The following GPM6A variants were observed in gnomAD, a reference collection of about 807,000 sequenced individuals.
The protein encoded by GPM6A is neuronal membrane glycoprotein M6-a.
Under a neutral mutation model 32.1 loss-of-function variants are expected in GPM6A, and 7 were observed. The ratio of observed to expected loss-of-function variants is 0.22; its 90% CI spans 0.12 to 0.41. GPM6A has a LOEUF of 0.41. Ranked by LOEUF, GPM6A falls within the 10% of genes least tolerant of loss-of-function variation. The probability of loss-of-function intolerance (pLI) is 1.00; values close to 1 mark genes in which losing one functional copy is unlikely to be tolerated. For synonymous variants in GPM6A, 130 were observed against 123.4 expected (o/e 1.05, Z -0.35); for missense variants, 235 against 347.2 (o/e 0.68, Z 2.57).
intron 1 of GPM6A, among the ~76,000 whole-genome samples, chr4:175,728,549 C>T (rs1344231215): frequency 6.6e-6 from 1 of 152,098 alleles, no homozygotes; most frequent in East Asian, 1.9e-4. Flanking sequence ...TAGAATATTC[C>T]TAGCTGTGGT....
At chr4:175,652,793 G>A (rs1044990015) in intron 3 of GPM6A, among the ~76,000 whole-genome samples, 2 of 152,064 alleles carry the variant, frequency 1.3e-5, no homozygotes, top group Non-Finnish European at 2.9e-5. Context: ...ATGAATTAGT[G>A]GATGGATGAT....
intron 2 of GPM6A, among the ~76,000 whole-genome samples, chr4:175,689,042 A>G (rs1744147017): frequency 6.6e-6 from 1 of 152,046 alleles, no homozygotes; most frequent in African/African-American, 2.4e-5. Flanking sequence ...TTTTGTAGAG[A>G]TAGGGATTAC....
intron 3 of GPM6A, among the ~76,000 whole-genome samples, chr4:175,673,410 GA>G (rs371525673): frequency 0.033 from 4,709 of 144,362 alleles, 106 homozygotes; most frequent in South Asian, 0.11. Flanking sequence ...GAGCCCTTTG[GA>G]AAAAAAAAAC....
chr4:175,971,815 G>T (rs1262815060), intron 1 of GPM6A: 1 of 152,198 alleles, frequency 6.6e-6, no homozygotes, highest in Non-Finnish European at 1.5e-5. Flanking sequence ...AATGGCTACA[G>T]TCTGCATAAT....
At chr4:175,850,839 A>G (rs1317994820) in intron 1 of GPM6A, among the ~76,000 whole-genome samples, 3 of 150,182 alleles carry the variant, frequency 2.0e-5, no homozygotes, top group Non-Finnish European at 4.4e-5. Context: ...TATTATATAA[A>G]TACAATATTA....
intron 1 of GPM6A, among the ~76,000 whole-genome samples, chr4:175,909,060 C>G (rs1453328907): frequency 7.3e-6 from 1 of 137,584 alleles, no homozygotes; most frequent in Non-Finnish European, 1.5e-5. Context: ...GGGCAACTAG[C>G]TCATAACCAA....
At chr4:175,786,295 TG>T (rs1450966932) in intron 1 of GPM6A, among the ~76,000 whole-genome samples, 79 of 136,888 alleles carry the variant, frequency 5.8e-4, no homozygotes, top group Middle Eastern at 7.4e-3. Flanking sequence ...TTTTTTGTTT[TG>T]TTTTTTTTTT....
At chr4:175,904,914 G>C (rs1738083142) in intron 1 of GPM6A, among the ~76,000 whole-genome samples, 1 of 152,114 alleles carries the variant, frequency 6.6e-6, no homozygotes, top group Non-Finnish European at 1.5e-5. Context: ...GACGGATATT[G>C]TAAGAAAGGG....
chr4:175,962,471 C>A (rs1401781930), intron 1 of GPM6A: 7 of 625,418 alleles, frequency 1.1e-5, no homozygotes, highest in Non-Finnish European at 2.1e-5. Flanking sequence ...TTTTGCTTCT[C>A]CAATGCGCAA....
chr4:175,941,525 G>C (rs1043598436), intron 1 of GPM6A, among the ~76,000 whole-genome samples: 3 of 152,072 alleles, frequency 2.0e-5, no homozygotes, highest in African/African-American at 7.2e-5. Flanking sequence ...TTCTCCAAAT[G>C]CTATCCCTCC....
chr4:175,878,740 C>T lies in GPM6A; in HGVS notation c.-22-66491G>A, dbSNP rs559116958. On this transcript the variant is annotated intron_variant, in intron 1 of 7. Transcript: ENST00000280187. ...CATGGTCTGGGTGGTTAACATTTGTCTCCTCATTACTTGTGCAAATTTCTG... is the reference window on the plus strand; with the variant it reads ...CATGGTCTGGGTGGTTAACATTTGTTTCCTCATTACTTGTGCAAATTTCTG... Among the ~76,000 whole-genome samples, 16 of 152,266 alleles carry T rather than the reference C, an allele frequency of 1.1e-4. No individual in the cohort carries two copies. In the South Asian group the frequency reaches 3.3e-3, roughly 32 times the overall value.
At chr4:175,654,618 A>G (rs1202893144) in intron 3 of GPM6A, among the ~76,000 whole-genome samples, 1 of 152,000 alleles carries the variant, frequency 6.6e-6, no homozygotes, top group Non-Finnish European at 1.5e-5. Context: ...AAGAATGATG[A>G]GTTCTTGAGT....
At chr4:175,736,220 T>C (rs62336027) in intron 1 of GPM6A, among the ~76,000 whole-genome samples, 1 of 152,086 alleles carries the variant, frequency 6.6e-6, no homozygotes, top group African/African-American at 2.4e-5. Context: ...CTTGCTATGT[T>C]GCTCAGGCTG....
intron 1 of GPM6A, among the ~76,000 whole-genome samples, chr4:175,983,026 C>A (rs1336175345): frequency 2.0e-5 from 3 of 152,014 alleles, no homozygotes; most frequent in Admixed American, 6.6e-5. Flanking sequence ...TAGAACATAA[C>A]GCAATTTTAT....
At chr4:175,829,081 G>A (rs1316202000) in intron 1 of GPM6A, among the ~76,000 whole-genome samples, 5 of 152,078 alleles carry the variant, frequency 3.3e-5, no homozygotes, top group Non-Finnish European at 7.4e-5. Context: ...GTGCCAGCGT[G>A]CAGCATGTCT....
At chr4:175,946,591 G>A (rs1393830273) in intron 1 of GPM6A, among the ~76,000 whole-genome samples, 1 of 152,138 alleles carries the variant, frequency 6.6e-6, no homozygotes, top group East Asian at 1.9e-4. Context: ...TTTGAGGCAG[G>A]TGGTCCATAG....
intron 1 of GPM6A, among the ~76,000 whole-genome samples, chr4:175,931,696 A>ACG (rs1162384512): frequency 1.7e-4 from 25 of 148,898 alleles, no homozygotes; most frequent in African/African-American, 6.0e-4. Flanking sequence ...ACACACACAC[A>ACG]CACACACACA....
At chr4:175,781,946 C>A (rs2111254893) in intron 1 of GPM6A, among the ~76,000 whole-genome samples, 1 of 152,122 alleles carries the variant, frequency 6.6e-6, no homozygotes, top group East Asian at 1.9e-4. Context: ...CATAAAGATT[C>A]AAAGGTCATC....
chr4:175,908,732 T>A (rs1025769811), intron 1 of GPM6A, among the ~76,000 whole-genome samples: 2 of 152,110 alleles, frequency 1.3e-5, no homozygotes, highest in African/African-American at 4.8e-5. Flanking sequence ...AAGCTATTTT[T>A]ATGTAGAACT....
Sources: allele counts gnomAD v4.1 joint callset (sites outside exome capture counted in the v4.1 genomes callset), GRCh38; gene constraint gnomAD v4.1.1; transcripts MANE v1.5; gene names NCBI Gene and HGNC (gene_info 2026-07-23, HGNC 2026-07-21).